GRB14: variants seen among roughly 807,000 people sequenced by gnomAD.
GRB14 encodes growth factor receptor-bound protein 14.
In GRB14, 38 loss-of-function variants were observed where a neutral mutation model predicts 69.1. That is an observed-to-expected ratio of 0.55 (90% CI 0.42 to 0.72). The LOEUF (loss-of-function observed/expected upper bound fraction) is 0.72. GRB14 is among the 30% of genes least tolerant of loss of function. The pLI, the probability that GRB14 is intolerant of heterozygous loss-of-function variation, is 0.00. For synonymous variants in GRB14, 247 were observed against 241.3 expected (o/e 1.02, Z -0.22); for missense variants, 666 against 666.1 (o/e 1.00, Z 0.00).
chr2:164,499,303 A>T (rs1025189799), intron 9 of GRB14, among the ~76,000 whole-genome samples: 1 of 152,178 alleles, frequency 6.6e-6, no homozygotes. Flanking sequence ...CTTGACATAC[A>T]TAAGAAGACG....
chr2:164,592,499 A>T (rs970103058), intron 2 of GRB14, among the ~76,000 whole-genome samples: 1 of 152,124 alleles, frequency 6.6e-6, no homozygotes, highest in East Asian at 1.9e-4. Context: ...ACCTTTGGGA[A>T]CCACCCTAAA....
intron 2 of GRB14, among the ~76,000 whole-genome samples, chr2:164,585,850 AAATTTATTTTCTCAATATAAAACAT>A (rs1401702738): frequency 1.3e-5 from 2 of 152,216 alleles, no homozygotes; most frequent in Admixed American, 1.3e-4. Context: ...AACAACCTCC[AAATTTATTTTCTCAATATAAAACAT>A]TATAATGCAG....
At chr2:164,599,498 A>G (rs1232626143) in intron 2 of GRB14, among the ~76,000 whole-genome samples, 1 of 152,230 alleles carries the variant, frequency 6.6e-6, no homozygotes, top group East Asian at 1.9e-4. Flanking sequence ...AAAAAAGAAT[A>G]AGGAACAGTC....
At chr2:164,570,834 AT>A (rs1689107568) in intron 2 of GRB14, among the ~76,000 whole-genome samples, 1 of 152,196 alleles carries the variant, frequency 6.6e-6, no homozygotes, top group African/African-American at 2.4e-5. Flanking sequence ...AGTGCAATAT[AT>A]ACATGCCCTA....
intron 6 of GRB14, 34 bp downstream of exon 6, chr2:164,521,946 T>G: frequency 6.5e-7 from 1 of 1,536,362 alleles, no homozygotes. Context: ...GCTTAATATG[T>G]CAGTCATAAC....
chr2:164,573,561 C>G (rs1266528878), intron 2 of GRB14, among the ~76,000 whole-genome samples: 1 of 151,956 alleles, frequency 6.6e-6, no homozygotes, highest in Non-Finnish European at 1.5e-5. Flanking sequence ...AAAATTTATA[C>G]GTAATATGTT....
intron 3 of GRB14, among the ~76,000 whole-genome samples, chr2:164,538,362 A>G (rs1360187927): frequency 6.6e-6 from 1 of 152,186 alleles, no homozygotes; most frequent in Non-Finnish European, 1.5e-5. Flanking sequence ...TAAGTTTCAG[A>G]GGACTTGAAG....
chr2:164,539,308 C>G (rs1353524370), intron 3 of GRB14, among the ~76,000 whole-genome samples: 2 of 151,976 alleles, frequency 1.3e-5, no homozygotes, highest in Non-Finnish European at 2.9e-5. Flanking sequence ...AACCCCATCT[C>G]TACTAAAAAT....
chr2:164,569,252 T>C (rs1689067322), intron 2 of GRB14, among the ~76,000 whole-genome samples: 1 of 152,200 alleles, frequency 6.6e-6, no homozygotes, highest in Non-Finnish European at 1.5e-5. Context: ...GAAAAGTTTA[T>C]TCTAATGTTT....
At chr2:164,614,649 T>C (rs1456976787) in intron 2 of GRB14, among the ~76,000 whole-genome samples, 1 of 152,086 alleles carries the variant, frequency 6.6e-6, no homozygotes, top group African/African-American at 2.4e-5. Flanking sequence ...AAAAAAGAAA[T>C]AGATGGAGTA....
At chr2:164,568,378 G>T in intron 2 of GRB14, 1 of 1,287,712 alleles carries the variant, frequency 7.8e-7, no homozygotes, top group Non-Finnish European at 1.0e-6. Context: ...TCAAACTCAT[G>T]CCTGCTCTTC....
intron 2 of GRB14, among the ~76,000 whole-genome samples, chr2:164,553,120 T>C (rs1397482101): frequency 6.6e-6 from 1 of 152,210 alleles, no homozygotes; most frequent in Non-Finnish European, 1.5e-5. Context: ...AGTATGCCTC[T>C]TATTTTGCAT....
intron 2 of GRB14, among the ~76,000 whole-genome samples, chr2:164,562,348 A>C (rs1296697629): frequency 6.6e-6 from 1 of 152,228 alleles, no homozygotes; most frequent in Non-Finnish European, 1.5e-5. Context: ...ATTTTAAAAA[A>C]TATATTCATC....
intron 2 of GRB14, among the ~76,000 whole-genome samples, chr2:164,556,856 G>C (rs1238990775): frequency 1.3e-5 from 2 of 152,046 alleles, no homozygotes; most frequent in African/African-American, 2.4e-5. Context: ...CAAAATGTGG[G>C]GCACACAGCG....
At chr2:164,616,123 G>C (rs1029420799) in intron 2 of GRB14, among the ~76,000 whole-genome samples, 2 of 152,048 alleles carry the variant, frequency 1.3e-5, no homozygotes, top group African/African-American at 4.8e-5. Context: ...GAGGGAAAGG[G>C]AATAAAGAAT....
chr2:164,514,499 G>A (rs547809398), intron 6 of GRB14, among the ~76,000 whole-genome samples: 29 of 152,236 alleles, frequency 1.9e-4, no homozygotes, highest in African/African-American at 6.5e-4. Context: ...CAAATTTAGA[G>A]TTGAGTGAAA....
chr2:164,550,025 T>C (rs562222537), intron 2 of GRB14, among the ~76,000 whole-genome samples: 5 of 152,204 alleles, frequency 3.3e-5, no homozygotes, highest in Middle Eastern at 3.4e-3. Flanking sequence ...AAGGAGGGAA[T>C]AGAATCAGAC....
intron 3 of GRB14, among the ~76,000 whole-genome samples, chr2:164,532,614 G>C (rs1687975486): frequency 6.6e-6 from 1 of 152,186 alleles, no homozygotes; most frequent in African/African-American, 2.4e-5. Flanking sequence ...TGTGATCAGG[G>C]AAGCAGAGGT....
chr2:164,617,962 G>C (rs868597810), intron 2 of GRB14, among the ~76,000 whole-genome samples: 12 of 118,086 alleles, frequency 1.0e-4, no homozygotes, highest in Admixed American at 2.5e-4. Context: ...TTTTTTTTGG[G>C]GGGGGGGGGG....
Sources: gnomAD v4.1 joint callset for allele counts (sites outside exome capture counted in the v4.1 genomes callset) on GRCh38, gnomAD v4.1.1 for gene constraint, MANE v1.5 for transcripts, NCBI Gene and HGNC (gene_info 2026-07-23, HGNC 2026-07-21) for gene names.